The following GKAP1 variants were observed in gnomAD, a reference collection of about 807,000 sequenced individuals.
GKAP1 encodes G kinase-anchoring protein 1.
GKAP1 carries 31 observed loss-of-function variants against 56.7 expected under a neutral mutation model. That is an observed-to-expected ratio of 0.55 (90% confidence interval 0.41 to 0.74). The LOEUF (loss-of-function observed/expected upper bound fraction) is 0.74. GKAP1 is among the 30% of genes least tolerant of loss of function. GKAP1 has a pLI of 0.00. For missense variants in GKAP1, 364 were observed against 402.3 expected, an observed-to-expected ratio of 0.90 and a Z score of 0.82; for synonymous variants, 151 against 138.6, an observed-to-expected ratio of 1.09 and a Z score of -0.63.
Position 83,743,899 on chromosome 9 carries a change from C to T in GKAP1, c.905-1299G>A, listed in dbSNP as rs544000032. 3.9e-5 allele frequency among the ~76,000 whole-genome samples: 6 copies of T among 152,026 alleles called. No homozygotes were observed. In the East Asian group the frequency reaches 7.7e-4, roughly 20 times the overall value. ...TGAGAACTTCCTTAACTCATGGTAA[C>T]GGCTAATGTATGAAAAACTAACTCC... On this transcript the variant is annotated intron_variant, in intron 10 of 12. Transcript: ENST00000376371.
At chr9:83,779,608 C>CAT (rs1319184688) in intron 7 of GKAP1, among the ~76,000 whole-genome samples, 19 of 78,490 alleles carry the variant, frequency 2.4e-4, no homozygotes, top group African/African-American at 9.1e-5. Flanking sequence ...TATATATACA[C>CAT]ATATACACAC....
At position 83,806,347 on chromosome 9, in the gene GKAP1, C is replaced by G. The variant is rs2131323365; in HGVS notation, c.171G>C (p.Glu57Asp). Reference protein sequence around the residue: ...SKSTTNEKKREKRRKKKEQQQ... With the variant: ...SKSTTNEKKRDKRRKKKEQQQ... ...GCTGTTCCTTCTTTTTTCTTCTTTT[C>G]TCTCTTTTTTTCTCATTTGTAGTTG... The change falls in exon 3 of 13, where the codon GAG becomes GAC. Residue 57 changes from glutamate to aspartate, a missense_variant. Coordinates refer to ENST00000376371, the MANE Select transcript of GKAP1 (RefSeq NM_025211.4). 5 of 1,556,208 alleles carry G rather than the reference C, an allele frequency of 3.2e-6. No homozygotes were observed. Among genetic ancestry groups the G allele is most frequent in the Non-Finnish European group, 4.4e-6 (5 of 1,149,318 alleles).
intron 10 of GKAP1, among the ~76,000 whole-genome samples, chr9:83,744,321 T>C (rs1943255292): frequency 6.6e-6 from 1 of 152,218 alleles, no homozygotes. Context: ...AATACACTTA[T>C]GTACAATTTT....
intron 4 of GKAP1, among the ~76,000 whole-genome samples, chr9:83,797,108 C>A (rs1944260778): frequency 6.6e-6 from 1 of 152,116 alleles, no homozygotes; most frequent in Admixed American, 6.5e-5. Flanking sequence ...TCCTACTGTC[C>A]ATCTGGTTAG....
chr9:83,791,734 G>C (rs1944162967), intron 4 of GKAP1, among the ~76,000 whole-genome samples: 1 of 152,138 alleles, frequency 6.6e-6, no homozygotes, highest in African/African-American at 2.4e-5. Context: ...CTACCCAGTT[G>C]AGGATGTAAG....
chr9:83,787,280 CAGG>C lies in GKAP1; in HGVS notation c.438+1318_438+1320del, dbSNP rs370170419. Among the ~76,000 whole-genome samples the C allele has an allele frequency of 2.9e-3, 435 of 152,286 alleles. 3 individuals are homozygous for C. The highest frequency in any genetic ancestry group is 8.3e-3 in the African/African-American group (343 of 41,554). On this transcript the variant is annotated intron_variant, in intron 5 of 12. Transcript: ENST00000376371. ...ATGGGATCTCCCTTTCTTGCCCAGGCAGGAGGAGTGCAGTGGGATGATCATAGC... is the reference window on the plus strand; with the variant it reads ...ATGGGATCTCCCTTTCTTGCCCAGGCAGGAGTGCAGTGGGATGATCATAGC...
intron 5 of GKAP1, among the ~76,000 whole-genome samples, chr9:83,788,002 GCA>G (rs1412359954): frequency 6.6e-6 from 1 of 152,168 alleles, no homozygotes; most frequent in East Asian, 1.9e-4. Flanking sequence ...AATCGGCAGG[GCA>G]CAGTGGCTCA....
chr9:83,813,061 T>C (rs1944534445), intron 2 of GKAP1, among the ~76,000 whole-genome samples: 1 of 152,212 alleles, frequency 6.6e-6, no homozygotes, highest in Admixed American at 6.5e-5. Flanking sequence ...TTTCAGGTCA[T>C]GGCTAGGGTT....
chr9:83,782,855 G>C (rs1943999492), intron 6 of GKAP1, among the ~76,000 whole-genome samples: 1 of 151,776 alleles, frequency 6.6e-6, no homozygotes, highest in African/African-American at 2.4e-5. Flanking sequence ...TTTTAGTAGA[G>C]ACAGGGTTTC....
At chr9:83,800,098 C>A (rs1337671691) in intron 3 of GKAP1, among the ~76,000 whole-genome samples, 1 of 152,178 alleles carries the variant, frequency 6.6e-6, no homozygotes, top group African/African-American at 2.4e-5. Flanking sequence ...AGGGCCTAGT[C>A]CACAAAGTAA....
chr9:83,810,837 G>A (rs1253753652), intron 2 of GKAP1, among the ~76,000 whole-genome samples: 2 of 152,316 alleles, frequency 1.3e-5, no homozygotes, highest in East Asian at 1.9e-4. Flanking sequence ...GCATCATTAG[G>A]TGATTTCATC....
At chr9:83,799,364 T>C in intron 3 of GKAP1, 36 bp from the exon 4 acceptor site, 8 of 1,453,074 alleles carry the variant, frequency 5.5e-6, no homozygotes, top group South Asian at 2.5e-5. Context: ...AAATTCAGTT[T>C]ACCAATCCTG....
At chr9:83,788,565 C>A (rs1489241073) in intron 5 of GKAP1, 36 bp downstream of exon 5, 2 of 1,249,918 alleles carry the variant, frequency 1.6e-6, no homozygotes, top group Non-Finnish European at 2.3e-6. Context: ...ACCACTTAAA[C>A]TTCTAAAATA....
At chr9:83,779,494 C>CATATACACATATACATGTGTATAT in intron 7 of GKAP1, among the ~76,000 whole-genome samples, 1 of 103,538 alleles carries the variant, frequency 9.7e-6, no homozygotes, top group South Asian at 3.2e-4. Flanking sequence ...CATATATACA[C>CATATACACATATACATGTGTATAT]ATATACACAT....
rs772108459 is a variant in GKAP1 at position 83,784,770 on chromosome 9, ATTCT to A, written c.503_506del (p.Lys168IlefsTer13). 1.2e-6 allele frequency: 2 copies of A among 1,604,068 alleles called. No individual in the cohort carries two copies. The highest frequency in any genetic ancestry group is 1.1e-5 in the South Asian group (1 of 89,938). On this transcript the variant is annotated frameshift_variant, in exon 6 of 13. Coordinates refer to ENST00000376371, the MANE Select transcript of GKAP1 (RefSeq NM_025211.4). LOFTEE classifies it high-confidence loss of function. Reference sequence around the variant, plus strand: ...TGAGAGGTCTGTCTTTTCCCTGATGATTCTTTCTTTTATCTTTTTTATTCATAAC... The same window carrying A: ...TGAGAGGTCTGTCTTTTCCCTGATGATTCTTTTATCTTTTTTATTCATAAC...
intron 3 of GKAP1, among the ~76,000 whole-genome samples, chr9:83,802,483 GAAAA>G (rs201998640): frequency 1.7e-5 from 1 of 57,186 alleles, no homozygotes; most frequent in African/African-American, 6.0e-5. Flanking sequence ...CTCCATCTCA[GAAAA>G]AAAAAAAAAA....
At chr9:83,795,000 C>T (rs998160460) in intron 4 of GKAP1, among the ~76,000 whole-genome samples, 5 of 151,604 alleles carry the variant, frequency 3.3e-5, no homozygotes, top group African/African-American at 1.2e-4. Flanking sequence ...AAAAACAATA[C>T]AAAAAACTAG....
chr9:83,815,266 G>A (rs1231912613), intron 2 of GKAP1, among the ~76,000 whole-genome samples: 1 of 151,916 alleles, frequency 6.6e-6, no homozygotes, highest in African/African-American at 2.4e-5. Flanking sequence ...TAAGCTACAA[G>A]CAGGAGAATT....
chr9:83,780,347 A>C (rs1167508061), intron 7 of GKAP1, 35 bp downstream of exon 7: 1 of 1,182,362 alleles, frequency 8.5e-7, no homozygotes, highest in Non-Finnish European at 1.2e-6. Context: ...TAAAATCATC[A>C]GTGTTTTCTA....
Sources: allele counts gnomAD v4.1 joint callset (sites outside exome capture counted in the v4.1 genomes callset), GRCh38; gene constraint gnomAD v4.1.1; transcripts MANE v1.5; gene names NCBI Gene and HGNC (gene_info 2026-07-23, HGNC 2026-07-21).